PPP2R5C: variants seen among roughly 807,000 people sequenced by gnomAD.
PPP2R5C encodes the protein serine/threonine-protein phosphatase 2A 56 kDa regulatory subunit gamma isoform.
A neutral mutation model predicts 68.9 loss-of-function variants in PPP2R5C; 7 were observed. That is an observed-to-expected ratio of 0.10 (90% CI 0.06 to 0.19). The LOEUF is 0.19. Ranked by LOEUF, PPP2R5C falls within the 10% of genes least tolerant of loss-of-function variation. PPP2R5C has a pLI of 1.00. For synonymous variants in PPP2R5C, 210 were observed against 222.2 expected, an observed-to-expected ratio of 0.95 and a Z score of 0.49; for missense variants, 348 against 641.3, an observed-to-expected ratio of 0.54 and a Z score of 4.94.
intron 1 of PPP2R5C, chr14:101,836,690 T>C (rs979277068): frequency 1.0e-5 from 3 of 294,490 alleles, no homozygotes; most frequent in Non-Finnish European, 1.9e-5. Flanking sequence ...TAAACACACA[T>C]GGATCTTCTA....
At position 101,797,430 on chromosome 14, in the gene PPP2R5C, A is replaced by G. The variant is rs1226776358; in HGVS notation, c.259+11247A>G. The G allele has an allele frequency of 2.5e-5, 10 of 400,286 alleles. No homozygotes were observed. In the East Asian group the frequency reaches 6.5e-4, roughly 26 times the overall value. The allele number at this position is 400,286 out of a possible 1,614,324, so 24.8% of individuals were successfully genotyped here. A position where few individuals can be genotyped will look rare whatever the true frequency, so the allele number is the denominator to read the frequency against. On this transcript the variant is annotated intron_variant, in intron 3 of 14. Coordinates refer to the PPP2R5C transcript ENST00000328724. This position sits in a 1 kb window ranked among gnomAD's most constrained non-coding sequence, Gnocchi z 4.2. The stretch of plus-strand genomic sequence containing the variant: ...TCGAGCATCTGCCAAGGACCCAGGA[A>G]ACACACAGTGTGTCTCCTGAAGGAA...
intron 1 of PPP2R5C, chr14:101,818,916 G>A (rs2039875936): frequency 8.6e-7 from 1 of 1,158,208 alleles, no homozygotes; most frequent in Non-Finnish European, 1.3e-6. Context: ...TCTGCTGGTT[G>A]TGTTACTCAT....
In PPP2R5C at chr14:101,900,103, T is replaced by C. The variant is rs571911834; in HGVS notation, c.853-1616T>C. ...GACCTCACCACGGTGCCCAGGTCGG[T>C]CTCGAACTCCTGGGCTCAAGCATTC... On this transcript the variant is annotated intron_variant, in intron 8 of 13. Transcript: ENST00000334743. 3.9e-4 allele frequency among the ~76,000 whole-genome samples: 59 copies of C among 151,700 alleles called. No individual in the cohort carries two copies. The South Asian group carries it at 0.011, about 28-fold the overall frequency.
At chr14:101,910,637 G>C (rs149619276) in intron 11 of PPP2R5C, among the ~76,000 whole-genome samples, 110 of 151,348 alleles carry the variant, frequency 7.3e-4, no homozygotes, top group East Asian at 6.1e-3. Flanking sequence ...TTGAGACCAT[G>C]CTGGCTAACA....
At chr14:101,786,230 G>A (rs2038082641) in intron 3 of PPP2R5C, 47 bp downstream of exon 3, 2 of 1,445,090 alleles carry the variant, frequency 1.4e-6, no homozygotes, top group Non-Finnish European at 1.8e-6. Flanking sequence ...CTGTTGGAGT[G>A]AAGGAGCAAT....
chr14:101,901,607 C>A (rs1247110655), intron 8 of PPP2R5C, 112 bp from the exon 11 acceptor site: 1 of 1,034,852 alleles, frequency 9.7e-7, no homozygotes, highest in African/African-American at 1.6e-5. Flanking sequence ...ATGGCACCAT[C>A]TCCGTGTGTT....
intron 1 of PPP2R5C, among the ~76,000 whole-genome samples, chr14:101,816,136 G>A (rs1180981631): frequency 1.3e-5 from 2 of 152,228 alleles, no homozygotes; most frequent in African/African-American, 2.4e-5. Flanking sequence ...CTGAGCAGAC[G>A]TTATACCCAA....
At chr14:101,895,248 T>C (rs1430538549) in intron 8 of PPP2R5C, among the ~76,000 whole-genome samples, 1 of 152,222 alleles carries the variant, frequency 6.6e-6, no homozygotes, top group African/African-American at 2.4e-5. Context: ...TACCACACAA[T>C]TCACCCATTT....
At chr14:101,787,939 G>A (rs1265132307) in intron 3 of PPP2R5C, among the ~76,000 whole-genome samples, 2 of 152,082 alleles carry the variant, frequency 1.3e-5, no homozygotes, top group African/African-American at 2.4e-5. Flanking sequence ...CATTCATTCA[G>A]CAAATATGTG....
intron 1 of PPP2R5C, among the ~76,000 whole-genome samples, chr14:101,816,299 G>A (rs61994042): frequency 0.02 from 3,019 of 152,278 alleles, 46 homozygotes; most frequent in Admixed American, 0.026. Context: ...TGGTCTAAAC[G>A]TGGGATAAAT....
chr14:101,853,789 TAGG>T (rs2042280705), intron 1 of PPP2R5C, among the ~76,000 whole-genome samples: 2 of 152,102 alleles, frequency 1.3e-5, no homozygotes, highest in Admixed American at 6.6e-5. Flanking sequence ...GAACTGCTGT[TAGG>T]AGGATTTGGC....
intron 1 of PPP2R5C, among the ~76,000 whole-genome samples, chr14:101,854,812 T>C (rs1343798588): frequency 1.3e-5 from 2 of 152,230 alleles, no homozygotes; most frequent in African/African-American, 2.4e-5. Context: ...AACATGTATT[T>C]ATTAATTTAC....
intron 2 of PPP2R5C, among the ~76,000 whole-genome samples, chr14:101,874,897 A>G (rs1488223779): frequency 6.6e-6 from 1 of 151,846 alleles, no homozygotes; most frequent in Non-Finnish European, 1.5e-5. Flanking sequence ...GTGCCACCAT[A>G]CTTGGCTAAT....
At chr14:101,830,130 A>G (rs2040649624) in intron 1 of PPP2R5C, among the ~76,000 whole-genome samples, 1 of 152,170 alleles carries the variant, frequency 6.6e-6, no homozygotes, top group East Asian at 1.9e-4. Context: ...AGATCTAAAT[A>G]ATTCCTAGAA....
In PPP2R5C at chr14:101,905,784, G is replaced by A. The variant is rs147361723; in HGVS notation, c.1024-618G>A. Among the ~76,000 whole-genome samples the A allele has an allele frequency of 7.0e-3, 1,061 of 152,214 alleles. 7 individuals are homozygous for A. The highest frequency in any genetic ancestry group is 9.7e-3 in the Non-Finnish European group (662 of 68,010). Reference sequence around the variant, plus strand: ...TCATGCCCCCACTGCCCTCTGCAGTGGTCCTCAGCCAGCCCCGTGCTGACA... The same window carrying A: ...TCATGCCCCCACTGCCCTCTGCAGTAGTCCTCAGCCAGCCCCGTGCTGACA... On this transcript the variant is annotated intron_variant, in intron 9 of 13. Coordinates refer to ENST00000334743, the Ensembl canonical transcript of PPP2R5C.
At chr14:101,799,628 A>G (rs1258412433) in intron 3 of PPP2R5C, among the ~76,000 whole-genome samples, 1 of 152,190 alleles carries the variant, frequency 6.6e-6, no homozygotes, top group Non-Finnish European at 1.5e-5. Flanking sequence ...CAGTGAGGAA[A>G]GTACTCTGGA....
intron 13 of PPP2R5C, among the ~76,000 whole-genome samples, chr14:101,924,463 G>A (rs1204198505): frequency 8.6e-5 from 4 of 46,508 alleles, no homozygotes; most frequent in Admixed American, 2.0e-4. Flanking sequence ...TTTTTGAGAT[G>A]GAGTCTGGAG....
intron 10 of PPP2R5C, among the ~76,000 whole-genome samples, chr14:101,908,232 T>G (rs1282692389): frequency 6.6e-6 from 1 of 152,206 alleles, no homozygotes; most frequent in Non-Finnish European, 1.5e-5. Context: ...TTGCTGTCAC[T>G]TAGTGGTTGT....
chr14:101,826,005 C>T (rs1179464395), intron 1 of PPP2R5C, among the ~76,000 whole-genome samples: 1 of 152,218 alleles, frequency 6.6e-6, no homozygotes, highest in African/African-American at 2.4e-5. Flanking sequence ...TCAGATGTGG[C>T]TATCACAGCT....
Sources: gnomAD v4.1 joint callset for allele counts (sites outside exome capture counted in the v4.1 genomes callset) on GRCh38, gnomAD v4.1.1 for gene constraint, Gnocchi (gnomAD v3.1) non-coding constraint, MANE v1.5 for transcripts, NCBI Gene and HGNC (gene_info 2026-07-23, HGNC 2026-07-21) for gene names.